Variants in MALRD1 observed in about 807,000 individuals in gnomAD.
The protein encoded by MALRD1 is MAM and LDL-receptor class A domain-containing protein 1.
MALRD1 carries 247 observed loss-of-function variants against 242.1 expected under a neutral mutation model. The ratio of observed to expected loss-of-function variants is 1.02; its 90% CI spans 0.92 to 1.13. The LOEUF (loss-of-function observed/expected upper bound fraction) is 1.13, where lower values mean the gene tolerates loss of function less well. Ranked by LOEUF, MALRD1 falls within the 50% of genes most tolerant of loss-of-function variation. The pLI is 0.00. For synonymous variants in MALRD1, 995 were observed against 866.6 expected, an observed-to-expected ratio of 1.15 and a Z score of -2.60; for missense variants, 2,989 against 2,533.1, an observed-to-expected ratio of 1.18 and a Z score of -3.86.
intron 36 of MALRD1, among the ~76,000 whole-genome samples, chr10:19,677,801 G>A (rs1842196937): frequency 6.6e-6 from 1 of 152,098 alleles, no homozygotes; most frequent in African/African-American, 2.4e-5. Context: ...ATAGTTTTGG[G>A]TTTTACATTT....
intron 36 of MALRD1, among the ~76,000 whole-genome samples, chr10:19,656,680 C>G (rs1182745128): frequency 6.6e-6 from 1 of 152,086 alleles, no homozygotes; most frequent in Non-Finnish European, 1.5e-5. Flanking sequence ...ACAAATTTGG[C>G]ATTCTGGGAA....
rs183866101 is a variant in MALRD1 at position 19,445,761 on chromosome 10, A to G, written c.4846-4546A>G. Among the ~76,000 whole-genome samples the G allele has an allele frequency of 3.3e-5, 5 of 152,270 alleles. 1 individual carries two copies. The highest frequency in any genetic ancestry group is 7.4e-5 in the Non-Finnish European group (5 of 68,010). ...CTTGGGCTCAGAGACCCACTTGAGG[A>G]GGCAGTCTGTCTGTTCTCAGATCTC... On this transcript the variant is annotated intron_variant, in intron 28 of 39. Coordinates refer to ENST00000454679, the MANE Select transcript of MALRD1 (RefSeq NM_001142308.3).
At chr10:19,278,562 G>A (rs892314154) in intron 19 of MALRD1, among the ~76,000 whole-genome samples, 1 of 151,776 alleles carries the variant, frequency 6.6e-6, no homozygotes, top group Non-Finnish European at 1.5e-5. Flanking sequence ...ATATGCCATG[G>A]TCCATGAATT....
At chr10:19,363,073 C>T (rs1003666252) in intron 26 of MALRD1, among the ~76,000 whole-genome samples, 3 of 152,040 alleles carry the variant, frequency 2.0e-5, no homozygotes, top group African/African-American at 4.8e-5. Context: ...AAATGTCCAT[C>T]GTCTAGGCAC....
chr10:19,588,059 G>C (rs1157706097), intron 33 of MALRD1, among the ~76,000 whole-genome samples: 1 of 151,922 alleles, frequency 6.6e-6, no homozygotes, highest in Non-Finnish European at 1.5e-5. Context: ...TAAAACTTCT[G>C]AAGCAATTGG....
intron 38 of MALRD1, among the ~76,000 whole-genome samples, chr10:19,694,223 A>T (rs1392265382): frequency 6.6e-6 from 1 of 152,196 alleles, no homozygotes; most frequent in African/African-American, 2.4e-5. Flanking sequence ...AAAATTGACA[A>T]ATGGGATCTA....
At chr10:19,170,348 T>G (rs2131520620) in intron 13 of MALRD1, among the ~76,000 whole-genome samples, 1 of 152,332 alleles carries the variant, frequency 6.6e-6, no homozygotes, top group South Asian at 2.1e-4. Context: ...GCACTTTTTC[T>G]GAGTAGTCCA....
chr10:19,641,971 GA>G (rs1042386379), intron 36 of MALRD1, among the ~76,000 whole-genome samples: 2 of 151,426 alleles, frequency 1.3e-5, no homozygotes, highest in Non-Finnish European at 2.9e-5. Flanking sequence ...GTCTTTGAGT[GA>G]AAAAAAAGAT....
chr10:19,069,108 G>GA (rs1278639858), intron 2 of MALRD1, among the ~76,000 whole-genome samples: 1 of 151,846 alleles, frequency 6.6e-6, no homozygotes, highest in East Asian at 1.9e-4. Context: ...TATTAAAGGT[G>GA]AAAAAGGGGT....
At chr10:19,626,799 C>T (rs1839675799) in intron 36 of MALRD1, among the ~76,000 whole-genome samples, 1 of 151,634 alleles carries the variant, frequency 6.6e-6, no homozygotes, top group South Asian at 2.1e-4. Context: ...TGACCATTAG[C>T]CAATTAATTA....
At chr10:19,356,764 TA>T (rs982072818) in intron 26 of MALRD1, among the ~76,000 whole-genome samples, 3 of 152,124 alleles carry the variant, frequency 2.0e-5, no homozygotes, top group Admixed American at 6.6e-5. Context: ...GTTGATGTGA[TA>T]TTTGTAAATT....
rs1249693570 is a variant in MALRD1, at chr10:19,531,216, C to T, written c.5343C>T (p.Tyr1781=). 10 of 1,550,014 alleles carry T rather than the reference C, an allele frequency of 6.5e-6. No individual in the cohort carries two copies. The highest frequency in any genetic ancestry group is 2.4e-5 in the East Asian group (1 of 40,910). Residue 1781 remains tyrosine (Y), a synonymous_variant, in exon 32 of 40, where the codon TAC becomes TAT. Coordinates refer to ENST00000454679, the MANE Select transcript of MALRD1 (RefSeq NM_001142308.3). Reference sequence around the variant, plus strand: ...AAGGTAGTGGTCAGCACTTCCTGTACGTCAACTCATCTGGCTCCAAGGAAG... The same window carrying T: ...AAGGTAGTGGTCAGCACTTCCTGTATGTCAACTCATCTGGCTCCAAGGAAG... ...HTPGSGQHFL[Y]VNSSGSKEGS... is the part of the protein sequence containing the mutation.
At chr10:19,234,823 C>T (rs1838236022) in intron 18 of MALRD1, among the ~76,000 whole-genome samples, 2 of 152,004 alleles carry the variant, frequency 1.3e-5, no homozygotes, top group African/African-American at 2.4e-5. Flanking sequence ...CAAAGAACTA[C>T]AATACAAAGG....
At chr10:19,683,297 A>G (rs1034315207) in intron 36 of MALRD1, among the ~76,000 whole-genome samples, 7 of 152,190 alleles carry the variant, frequency 4.6e-5, no homozygotes, top group Admixed American at 1.3e-4. Context: ...CCAAGCTGTT[A>G]GGGAATGTGG....
chr10:19,265,980 T>C (rs1839958565), intron 19 of MALRD1, among the ~76,000 whole-genome samples: 1 of 151,926 alleles, frequency 6.6e-6, no homozygotes. Context: ...TTTGTCTCTT[T>C]TTACCATTTT....
intron 26 of MALRD1, among the ~76,000 whole-genome samples, chr10:19,369,133 A>T (rs943947886): frequency 1.2e-4 from 16 of 132,422 alleles, no homozygotes; most frequent in African/African-American, 4.5e-4. Flanking sequence ...AATATTAATT[A>T]TTTAAATTTA....
intron 18 of MALRD1, among the ~76,000 whole-genome samples, chr10:19,237,593 T>C (rs1397310366): frequency 1.5e-4 from 1 of 6,824 alleles, no homozygotes; most frequent in African/African-American, 1.7e-3. Flanking sequence ...ATTATATAAT[T>C]ATATAATTAT....
rs549288905 is a variant in MALRD1, at chr10:19,151,854, C to T, written c.1559-3221C>T. On this transcript the variant is annotated intron_variant, in intron 11 of 39. Coordinates refer to ENST00000454679, the MANE Select transcript of MALRD1 (RefSeq NM_001142308.3). ...ATTAAACCCCTCTTGCACTCCTGAA[C>T]CAAACCTAACTGGAGTAATTTTATT... 2.4e-3 allele frequency among the ~76,000 whole-genome samples: 369 copies of T among 152,266 alleles called. 2 individuals are homozygous for T. The highest frequency in any genetic ancestry group is 3.7e-3 in the Non-Finnish European group (254 of 68,026).
chr10:19,068,312 G>GT (rs373245254), intron 2 of MALRD1, among the ~76,000 whole-genome samples: 3 of 150,700 alleles, frequency 2.0e-5, no homozygotes, highest in African/African-American at 4.9e-5. Context: ...ATTTTCCCTC[G>GT]TTTTTTTTAT....
Sources: allele counts gnomAD v4.1 joint callset (sites outside exome capture counted in the v4.1 genomes callset), GRCh38; gene constraint gnomAD v4.1.1; transcripts MANE v1.5; gene names NCBI Gene and HGNC (gene_info 2026-07-23, HGNC 2026-07-21).